The following MTMR7 variants were observed in gnomAD, a reference collection of about 807,000 sequenced individuals.
MTMR7 encodes the protein phosphatidylinositol-3-phosphate phosphatase MTMR7.
In MTMR7, 76 loss-of-function variants were observed where a neutral mutation model predicts 81.2. That is an observed-to-expected ratio of 0.94 (90% CI 0.78 to 1.13). The LOEUF is 1.13. MTMR7 is among the 50% of genes most tolerant of loss of function. MTMR7 has a pLI of 0.00. For synonymous variants in MTMR7, 372 were observed against 289.8 expected (o/e 1.28, Z -2.88); for missense variants, 1,044 against 820.0 (o/e 1.27, Z -3.34).
chr8:17,390,714 C>G (rs373332192), intron 1 of MTMR7, among the ~76,000 whole-genome samples: 1 of 152,086 alleles, frequency 6.6e-6, no homozygotes, highest in African/African-American at 2.4e-5. Context: ...TCATGGCAGA[C>G]GAGGAAGCAA....
chr8:17,358,810 A>AT (rs1160579043), intron 4 of MTMR7, among the ~76,000 whole-genome samples: 1 of 152,196 alleles, frequency 6.6e-6, no homozygotes, highest in Non-Finnish European at 1.5e-5. Context: ...TTATAAAATA[A>AT]TTTTAAGTTG....
intron 1 of MTMR7, among the ~76,000 whole-genome samples, chr8:17,406,410 T>C (rs1821582918): frequency 6.6e-6 from 1 of 152,124 alleles, no homozygotes; most frequent in South Asian, 2.1e-4. Context: ...CATTAGTCAT[T>C]AGAAAAACAC....
At chr8:17,355,230 C>T (rs896297921) in intron 4 of MTMR7, among the ~76,000 whole-genome samples, 2 of 152,132 alleles carry the variant, frequency 1.3e-5, no homozygotes, top group Non-Finnish European at 2.9e-5. Context: ...CTTTACTAAA[C>T]TTGGATTTTC....
At chr8:17,404,591 T>C (rs999779138) in intron 1 of MTMR7, among the ~76,000 whole-genome samples, 1 of 152,114 alleles carries the variant, frequency 6.6e-6, no homozygotes, top group Non-Finnish European at 1.5e-5. Flanking sequence ...CCATACTTCA[T>C]CTACAATTCT....
chr8:17,333,753 G>T (rs1176556396), intron 6 of MTMR7, among the ~76,000 whole-genome samples: 1 of 152,156 alleles, frequency 6.6e-6, no homozygotes, highest in Admixed American at 6.5e-5. Flanking sequence ...GGAGGCAGAG[G>T]TGGGAGGACT....
rs1195437943 is a variant in MTMR7 at position 17,331,308 on chromosome 8, G to A, written c.733-26C>T. The A allele has an allele frequency of 4.5e-6, 7 of 1,557,252 alleles. No individual in the cohort carries two copies. In the East Asian group the frequency reaches 9.2e-5, roughly 20 times the overall value. Reference sequence around the variant, plus strand: ...CTGCAGTGGTCAGCAAAACAGAACAGTCATCAATTACATTGATGAAACAAT... The same window carrying A: ...CTGCAGTGGTCAGCAAAACAGAACAATCATCAATTACATTGATGAAACAAT... On this transcript the variant is annotated intron_variant, in intron 6 of 13. Coordinates refer to ENST00000180173, the MANE Select transcript of MTMR7 (RefSeq NM_004686.5).
chr8:17,310,596 G>A (rs1425739417), intron 9 of MTMR7, among the ~76,000 whole-genome samples: 2 of 152,142 alleles, frequency 1.3e-5, no homozygotes, highest in African/African-American at 4.8e-5. Context: ...GTCCAGCAGG[G>A]ATCTGAAGCA....
At chr8:17,308,379 C>T (rs1346879735) in intron 10 of MTMR7, among the ~76,000 whole-genome samples, 1 of 152,020 alleles carries the variant, frequency 6.6e-6, no homozygotes, top group Non-Finnish European at 1.5e-5. Flanking sequence ...TTAATTTTCT[C>T]ATTGGTAAAT....
At chr8:17,399,872 CA>C (rs67618086) in intron 1 of MTMR7, among the ~76,000 whole-genome samples, 55,739 of 141,416 alleles carry the variant, frequency 0.39, 12,505 homozygotes, top group Admixed American at 0.57. Context: ...GACTCTGTCT[CA>C]AAAAAAAAAA....
In MTMR7 at chr8:17,299,058, C is replaced by T. The variant is rs778468952; in HGVS notation, c.*804G>A. Reference sequence around the variant, plus strand: ...AGATCAGGCTGGTGGCTGGCCCACACTGTCGGTAGTGTAGTCTCTAGAACA... The same window carrying T: ...AGATCAGGCTGGTGGCTGGCCCACATTGTCGGTAGTGTAGTCTCTAGAACA... On this transcript the variant is annotated 3_prime_UTR_variant, in exon 14 of 14. Transcript: ENST00000180173. 6.6e-6 allele frequency: 1 copy of T among 152,186 alleles called. No homozygotes were observed. The highest frequency in any genetic ancestry group is 1.5e-5 in the Non-Finnish European group (1 of 68,032). The allele number at this position is 152,186 out of a possible 1,614,324, so 9.4% of individuals were successfully genotyped here. A position where few individuals can be genotyped will look rare whatever the true frequency, so the allele number is the denominator to read the frequency against.
At chr8:17,354,254 A>T (rs1196096500) in intron 4 of MTMR7, among the ~76,000 whole-genome samples, 1 of 152,246 alleles carries the variant, frequency 6.6e-6, no homozygotes, top group South Asian at 2.1e-4. Context: ...AAAATGACAT[A>T]TATGTGAATA....
At chr8:17,356,293 T>C (rs1563355146) in intron 4 of MTMR7, among the ~76,000 whole-genome samples, 1 of 152,180 alleles carries the variant, frequency 6.6e-6, no homozygotes, top group African/African-American at 2.4e-5. Context: ...AAAAATTATT[T>C]AGCTGGCCCC....
At chr8:17,341,135 A>G (rs905630546) in intron 6 of MTMR7, among the ~76,000 whole-genome samples, 1 of 152,230 alleles carries the variant, frequency 6.6e-6, no homozygotes, top group African/African-American at 2.4e-5. Context: ...GCCCAGCACA[A>G]TGCTAGGGGC....
intron 3 of MTMR7, among the ~76,000 whole-genome samples, chr8:17,366,625 G>A (rs1379151164): frequency 1.3e-5 from 2 of 152,122 alleles, no homozygotes; most frequent in African/African-American, 2.4e-5. Flanking sequence ...GGTGGCTCAC[G>A]CCTGTAATCC....
chr8:17,306,460 C>T (rs1329798119), intron 10 of MTMR7, among the ~76,000 whole-genome samples: 2 of 151,844 alleles, frequency 1.3e-5, no homozygotes, highest in Non-Finnish European at 2.9e-5. Context: ...AAGCTTATCA[C>T]GTGATTTATT....
intron 3 of MTMR7, among the ~76,000 whole-genome samples, chr8:17,363,293 G>A (rs1226853490): frequency 6.6e-6 from 1 of 152,204 alleles, no homozygotes; most frequent in Non-Finnish European, 1.5e-5. Context: ...AGTTGTTTAG[G>A]ATGCCAAAGG....
Position 17,341,479 on chromosome 8 carries a change from T to A in MTMR7, c.616A>T (p.Ser206Cys), listed in dbSNP as rs538820089. 26 of 1,613,830 alleles carry A rather than the reference T, an allele frequency of 1.6e-5. No homozygotes were observed. Among genetic ancestry groups the A allele is most frequent in the Non-Finnish European group, 2.2e-5 (26 of 1,180,046 alleles). Reference protein sequence around the residue: ...KDNHASICRSSQPLSGFSARC... With the variant: ...KDNHASICRSCQPLSGFSARC... The stretch of plus-strand genomic sequence containing the variant: ...GCACTGAAGCCGGACAGGGGCTGGC[T>A]GCTCCGGCAGATGGAGGCCTAGGGG... Residue 206 changes from serine (S) to cysteine (C), a missense_variant, in exon 6 of 14, where the codon AGC (serine) becomes TGC (cysteine). Physicochemically the swap from Ser to Cys is moderately radical, Grantham distance 112. Transcript: ENST00000180173.
At chr8:17,403,761 T>C (rs926107069) in intron 1 of MTMR7, among the ~76,000 whole-genome samples, 10 of 151,828 alleles carry the variant, frequency 6.6e-5, no homozygotes, top group Non-Finnish European at 1.2e-4. Context: ...CAGCGTTTTA[T>C]AGTTTGCCTT....
chr8:17,361,858 T>TA (rs996045519), intron 3 of MTMR7, among the ~76,000 whole-genome samples: 2 of 152,208 alleles, frequency 1.3e-5, no homozygotes, highest in African/African-American at 4.8e-5. Flanking sequence ...ATAAGATTCA[T>TA]AAAAAAAATC....
Sources: allele counts gnomAD v4.1 joint callset (sites outside exome capture counted in the v4.1 genomes callset), GRCh38; gene constraint gnomAD v4.1.1; transcripts MANE v1.5; gene names NCBI Gene and HGNC (gene_info 2026-07-23, HGNC 2026-07-21).